Variants in SDK1 observed in about 807,000 individuals in gnomAD.
SDK1 encodes the protein sidekick cell adhesion molecule 1.
Under a neutral mutation model 245.5 loss-of-function variants are expected in SDK1, and 157 were observed. The observed-to-expected ratio is 0.64, with a 90% CI of 0.56 to 0.73. The LOEUF (loss-of-function observed/expected upper bound fraction) is 0.73. Ranked by LOEUF, SDK1 falls within the 30% of genes least tolerant of loss-of-function variation. The probability of loss-of-function intolerance (pLI) is 0.00; values close to 1 mark genes in which losing one functional copy is unlikely to be tolerated. For synonymous variants in SDK1, 1,647 were observed against 1,278.5 expected, an observed-to-expected ratio of 1.29 and a Z score of -6.15; for missense variants, 3,583 against 3,002.3, an observed-to-expected ratio of 1.19 and a Z score of -4.52.
chr7:4,008,003 A>T (rs1170431585), intron 14 of SDK1, among the ~76,000 whole-genome samples: 2 of 152,164 alleles, frequency 1.3e-5, no homozygotes, highest in Admixed American at 1.3e-4. Flanking sequence ...CGTCACCACC[A>T]TCCTTCTCTA....
At chr7:3,476,546 T>A (rs573921234) in intron 1 of SDK1, among the ~76,000 whole-genome samples, 4 of 152,376 alleles carry the variant, frequency 2.6e-5, no homozygotes, top group Admixed American at 6.5e-5. Flanking sequence ...TGGGGTCATA[T>A]AGGACTTTAT....
intron 1 of SDK1, among the ~76,000 whole-genome samples, chr7:3,508,211 C>T (rs889694568): frequency 1.3e-5 from 2 of 151,720 alleles, no homozygotes; most frequent in Non-Finnish European, 2.9e-5. Flanking sequence ...GTTTCAGATT[C>T]ATGTGGACAG....
At chr7:3,406,801 G>A (rs1473854366) in intron 1 of SDK1, among the ~76,000 whole-genome samples, 2 of 152,138 alleles carry the variant, frequency 1.3e-5, no homozygotes, top group Admixed American at 6.5e-5. Context: ...AAACATGTGC[G>A]TGTATACATC....
At chr7:3,839,581 A>C (rs946276828) in intron 5 of SDK1, among the ~76,000 whole-genome samples, 6 of 152,182 alleles carry the variant, frequency 3.9e-5, no homozygotes, top group African/African-American at 1.2e-4. Context: ...TTATAAAAAC[A>C]AAAAAATAGA....
At chr7:4,021,145 A>G (rs1786857952) in intron 17 of SDK1, among the ~76,000 whole-genome samples, 1 of 152,160 alleles carries the variant, frequency 6.6e-6, no homozygotes, top group Admixed American at 6.5e-5. Context: ...AGGGTAGGGA[A>G]GATATCTGGT....
At chr7:3,673,210 T>C (rs1419248206) in intron 4 of SDK1, among the ~76,000 whole-genome samples, 1 of 152,204 alleles carries the variant, frequency 6.6e-6, no homozygotes, top group Non-Finnish European at 1.5e-5. Context: ...AGACAGGATA[T>C]TGACTACACT....
intron 1 of SDK1, among the ~76,000 whole-genome samples, chr7:3,387,643 G>A (rs1219666605): frequency 1.3e-5 from 2 of 152,178 alleles, no homozygotes; most frequent in Non-Finnish European, 2.9e-5. Flanking sequence ...TTCTGGGGAT[G>A]TATAGTGGTG....
At chr7:3,530,206 T>C (rs1783296000) in intron 1 of SDK1, among the ~76,000 whole-genome samples, 2 of 152,140 alleles carry the variant, frequency 1.3e-5, no homozygotes, top group African/African-American at 4.8e-5. Context: ...CATTTTAAAA[T>C]AAAGATACAA....
At chr7:3,826,532 C>G (rs532209740) in intron 5 of SDK1, among the ~76,000 whole-genome samples, 77 of 152,270 alleles carry the variant, frequency 5.1e-4, no homozygotes, top group Non-Finnish European at 1.0e-3. Flanking sequence ...TGACTCAGAT[C>G]TGTGCTTTCT....
intron 4 of SDK1, among the ~76,000 whole-genome samples, chr7:3,674,782 T>G (rs925312968): frequency 2.5e-4 from 38 of 152,090 alleles, no homozygotes; most frequent in African/African-American, 9.2e-4. Context: ...CAACATGACG[T>G]CTTTCTATAA....
intron 1 of SDK1, among the ~76,000 whole-genome samples, chr7:3,373,599 A>G (rs1391118453): frequency 6.6e-6 from 1 of 151,750 alleles, no homozygotes; most frequent in Non-Finnish European, 1.5e-5. Context: ...AGCTTCCCAA[A>G]TAAGGTTGTT....
At chr7:3,807,741 C>A (rs958512415) in intron 4 of SDK1, among the ~76,000 whole-genome samples, 2 of 152,130 alleles carry the variant, frequency 1.3e-5, no homozygotes, top group African/African-American at 4.8e-5. Context: ...TGAGAGAATA[C>A]ATTTGGGATG....
At chr7:3,568,116 C>A (rs1337584994) in intron 1 of SDK1, among the ~76,000 whole-genome samples, 3 of 152,192 alleles carry the variant, frequency 2.0e-5, no homozygotes, top group Non-Finnish European at 2.9e-5. Context: ...CCACTGTGTC[C>A]AACCTCCGTG....
chr7:3,873,382 T>C (rs1781003888), intron 5 of SDK1, among the ~76,000 whole-genome samples: 1 of 152,196 alleles, frequency 6.6e-6, no homozygotes, highest in Non-Finnish European at 1.5e-5. Flanking sequence ...ATTTGTCCCT[T>C]CTTTTTCAGT....
intron 1 of SDK1, among the ~76,000 whole-genome samples, chr7:3,413,082 G>A (rs1779257569): frequency 1.3e-5 from 2 of 152,262 alleles, no homozygotes; most frequent in African/African-American, 2.4e-5. Context: ...CTAATTAGAA[G>A]GAGTATACTG....
chr7:3,837,694 G>T (rs1467477934), intron 5 of SDK1, among the ~76,000 whole-genome samples: 1 of 152,210 alleles, frequency 6.6e-6, no homozygotes, highest in Non-Finnish European at 1.5e-5. Context: ...TGTGATGATG[G>T]AAATGTTCTC....
At chr7:3,844,547 A>T (rs951270150) in intron 5 of SDK1, among the ~76,000 whole-genome samples, 1 of 152,202 alleles carries the variant, frequency 6.6e-6, no homozygotes, top group African/African-American at 2.4e-5. Flanking sequence ...CAGATGGACA[A>T]CTGCCTGTAA....
In SDK1 at chr7:4,017,322, A is replaced by T. The variant is rs1407355606; in HGVS notation, c.2572A>T (p.Arg858Trp). The change falls in exon 17 of 45, where the codon AGG (arginine) becomes TGG (tryptophan). Residue 858 changes from arginine (R) to tryptophan (W), a missense_variant. Transcript: ENST00000404826. ...CGGGGCCGGTCTGGGCGTCTTCAGC[A>T]GGGCAGTGACCGAGTACACCTTGCA... ...YNGAGLGVFS[R>W]AVTEYTLQGV... is the part of the protein sequence containing the mutation. 1.2e-6 allele frequency: 2 copies of T among 1,613,606 alleles called. No individual in the cohort carries two copies. The highest frequency in any genetic ancestry group is 2.7e-5 in the African/African-American group (2 of 74,908).
chr7:3,357,667 C>T (rs771207338), intron 1 of SDK1, among the ~76,000 whole-genome samples: 35 of 151,916 alleles, frequency 2.3e-4, no homozygotes, highest in Non-Finnish European at 3.8e-4. Flanking sequence ...CCTCACCAGT[C>T]TTGAGCCTCC....
Sources: allele counts gnomAD v4.1 joint callset (sites outside exome capture counted in the v4.1 genomes callset), GRCh38; gene constraint gnomAD v4.1.1; transcripts MANE v1.5; gene names NCBI Gene and HGNC (gene_info 2026-07-23, HGNC 2026-07-21).